Variants in RMND1 observed in about 807,000 individuals in gnomAD.
RMND1 encodes required for meiotic nuclear division 1 homolog.
A neutral mutation model predicts 54.0 loss-of-function variants in RMND1; 41 were observed. The ratio of observed to expected loss-of-function variants is 0.76; its 90% CI spans 0.59 to 0.98. The LOEUF (loss-of-function observed/expected upper bound fraction) is 0.98. Among genes scored for constraint, RMND1 ranks in the 50% least tolerant of loss-of-function variants. RMND1 has a pLI of 0.00. For synonymous variants in RMND1, 183 were observed against 181.7 expected (o/e 1.01, Z -0.06); for missense variants, 457 against 532.0 (o/e 0.86, Z 1.39).
At chr6:151,451,657 C>T (rs1781202067) in intron 1 of RMND1, among the ~76,000 whole-genome samples, 1 of 152,148 alleles carries the variant, frequency 6.6e-6, no homozygotes, top group African/African-American at 2.4e-5. Context: ...TTACTCAGTT[C>T]CCGGGCACAT....
At chr6:151,422,679 G>T in intron 7 of RMND1, 74 bp from the exon 8 acceptor site, 1 of 604,770 alleles carries the variant, frequency 1.7e-6, no homozygotes, top group South Asian at 2.6e-5. Context: ...TAATTGCACA[G>T]CATCTTCACT....
At chr6:151,421,000 AATGTGGGTTTAATGTAG>A (rs1261915504) in intron 9 of RMND1, 3 of 323,442 alleles carry the variant, frequency 9.3e-6, no homozygotes, top group Non-Finnish European at 1.7e-5. Flanking sequence ...TGTGCTCCTT[AATGTGGGTTTAATGTAG>A]ATGAATCGTG....
At chr6:151,442,218 T>G in intron 2 of RMND1, among the ~76,000 whole-genome samples, 1 of 152,230 alleles carries the variant, frequency 6.6e-6, no homozygotes, top group Non-Finnish European at 1.5e-5. Flanking sequence ...CTTTATCCTG[T>G]AAGTTTTTCT....
At chr6:151,407,166 G>A (rs1004216305) in intron 10 of RMND1, among the ~76,000 whole-genome samples, 1 of 148,920 alleles carries the variant, frequency 6.7e-6, no homozygotes, top group Non-Finnish European at 1.5e-5. Flanking sequence ...AAAAAAAACT[G>A]TCTTACTCAC....
chr6:151,444,576 CT>C (rs1479625398), intron 2 of RMND1: 6 of 152,080 alleles, frequency 3.9e-5, no homozygotes, highest in Admixed American at 3.3e-4. Context: ...AACCTGTTTT[CT>C]GATAGATTCA....
At chr6:151,435,187 C>A (rs1015511209) in intron 3 of RMND1, among the ~76,000 whole-genome samples, 4 of 152,014 alleles carry the variant, frequency 2.6e-5, no homozygotes, top group Non-Finnish European at 2.9e-5. Context: ...ACTCTGTCGC[C>A]CAGGTTGGAG....
Position 151,445,430 on chromosome 6 carries a change from A to G in RMND1, c.382T>C (p.Ser128Pro). Residue 128 changes from serine to proline, a missense_variant, in exon 2 of 12, where the codon TCA becomes CCA. Physicochemically the swap from Ser to Pro is moderately conservative, Grantham distance 74. Coordinates refer to ENST00000444024, the MANE Select transcript of RMND1 (RefSeq NM_017909.4). The part of the protein sequence containing the change: ...WFIKILKRHF[S>P]SVSTETFVPK... ...ACAAATGTTTCCGTTGATACAGATGAGAAATGCCTCTTTAATATTTTTATA... is the reference window on the plus strand; with the variant it reads ...ACAAATGTTTCCGTTGATACAGATGGGAAATGCCTCTTTAATATTTTTATA... 6.2e-7 allele frequency: 1 copy of G among 1,614,164 alleles called. No individual in the cohort carries two copies.
chr6:151,427,370 C>T (rs1397646606), intron 6 of RMND1, 112 bp downstream of exon 6: 16 of 573,432 alleles, frequency 2.8e-5, no homozygotes, highest in East Asian at 2.0e-4. Context: ...AGTGAGACTC[C>T]GTCTCAAAAA....
intron 9 of RMND1, among the ~76,000 whole-genome samples, chr6:151,419,715 AT>A (rs200474380): frequency 6.7e-5 from 10 of 149,956 alleles, no homozygotes; most frequent in African/African-American, 1.2e-4. Context: ...CCTGTTCACG[AT>A]TAAAAAAAAA....
chr6:151,417,171 A>G (rs1483502674), intron 10 of RMND1, 108 bp downstream of exon 10: 19 of 1,233,300 alleles, frequency 1.5e-5, no homozygotes, highest in Non-Finnish European at 2.1e-5. Flanking sequence ...AAATATAAAG[A>G]GATTTGAATG....
intron 1 of RMND1, among the ~76,000 whole-genome samples, chr6:151,451,211 A>AC (rs1477931946): frequency 2.0e-5 from 3 of 151,806 alleles, no homozygotes; most frequent in East Asian, 3.9e-4. Context: ...AAAAAAAAAA[A>AC]AAAAAAAACA....
intron 10 of RMND1, among the ~76,000 whole-genome samples, chr6:151,410,854 T>G (rs1233353567): frequency 6.6e-6 from 1 of 152,216 alleles, no homozygotes; most frequent in Non-Finnish European, 1.5e-5. Flanking sequence ...TAAACTCACT[T>G]ATTCTGGTAG....
intron 9 of RMND1, among the ~76,000 whole-genome samples, chr6:151,418,032 C>A (rs1185002856): frequency 6.6e-6 from 1 of 152,162 alleles, no homozygotes; most frequent in African/African-American, 2.4e-5. Flanking sequence ...TCTCGAACTC[C>A]TGACCTCACG....
In RMND1 at chr6:151,427,560, A is replaced by G; in HGVS notation, c.752T>C (p.Leu251Pro). Reference protein sequence around the residue: ...DKTMKHVMKVLEKHEIQPYEI... With the variant: ...DKTMKHVMKVPEKHEIQPYEI... ...ATAGGGCTGAATTTCATGTTTTTCT[A>G]GAACTTTCATCACATGCTTCATCTA... is the stretch of plus-strand genomic sequence containing the variant. Residue 251 changes from leucine to proline, a missense_variant, in exon 6 of 12, where the codon CTA (leucine) becomes CCA (proline). By Grantham distance (98) the Leu-to-Pro change is moderately conservative. Coordinates refer to ENST00000444024, the MANE Select transcript of RMND1 (RefSeq NM_017909.4). 1.9e-6 allele frequency: 3 copies of G among 1,610,434 alleles called. No individual in the cohort carries two copies. The highest frequency in any genetic ancestry group is 8.5e-7 in the Non-Finnish European group (1 of 1,177,074).
Position 151,405,141 on chromosome 6 carries a change from A to G in RMND1, c.*94T>C. 9.0e-7 allele frequency: 1 copy of G among 1,116,372 alleles called. No homozygotes were observed. The highest frequency in any genetic ancestry group is 1.4e-6 in the Non-Finnish European group (1 of 738,736). The allele number at this position is 1,116,372 out of a possible 1,614,324, so 69.2% of individuals were successfully genotyped here. A position where few individuals can be genotyped will look rare whatever the true frequency, so the allele number is the denominator to read the frequency against. On this transcript the variant is annotated 3_prime_UTR_variant, in exon 12 of 12. Transcript: ENST00000444024. ...CTTCTTGGCCTCCGAAAGTGCTGGG[A>G]TTACAGGCATGAGGCACCGCGCCGG...
At chr6:151,431,037 A>AGT in intron 4 of RMND1, among the ~76,000 whole-genome samples, 1 of 152,104 alleles carries the variant, frequency 6.6e-6, no homozygotes, top group Non-Finnish European at 1.5e-5. Context: ...CAATTACAAT[A>AGT]GTGTGTGATC....
At chr6:151,411,292 A>G (rs1242552149) in intron 10 of RMND1, 1 of 152,262 alleles carries the variant, frequency 6.6e-6, no homozygotes, top group African/African-American at 2.4e-5. Flanking sequence ...GGATATAAAT[A>G]GAGCCACCCG....
At chr6:151,407,131 G>C (rs1779652855) in intron 10 of RMND1, among the ~76,000 whole-genome samples, 1 of 152,018 alleles carries the variant, frequency 6.6e-6, no homozygotes, top group East Asian at 1.9e-4. Context: ...TCCAGCCTGG[G>C]TGCCAAAGTG....
Position 151,445,797 on chromosome 6 carries a change from G to A in RMND1, c.15C>T (p.Leu5=). The A allele has an allele frequency of 6.2e-7, 1 of 1,605,824 alleles. No homozygotes were observed. The highest frequency in any genetic ancestry group is 2.2e-5 in the East Asian group (1 of 44,756). The change falls in exon 2 of 12, where the codon CTC becomes CTT. Residue 5 remains leucine, a synonymous_variant. Transcript: ENST00000444024. The stretch of plus-strand genomic sequence containing the variant: ...GATGAGATCTGGCCACGGCTCTGAG[G>A]AGTGTGGCTGGCATTACCACATCCC... MPAT[L]LRAVARSHHI...
Sources: allele counts gnomAD v4.1 joint callset (sites outside exome capture counted in the v4.1 genomes callset), GRCh38; gene constraint gnomAD v4.1.1; transcripts MANE v1.5; gene names NCBI Gene and HGNC (gene_info 2026-07-23, HGNC 2026-07-21).